ZFYVE9: variants seen among roughly 807,000 people sequenced by gnomAD.
ZFYVE9 encodes zinc finger FYVE-type containing 9.
Under a neutral mutation model 126.7 loss-of-function variants are expected in ZFYVE9, and 43 were observed. That is an observed-to-expected ratio of 0.34 (90% confidence interval 0.27 to 0.44). ZFYVE9 has a LOEUF of 0.44. Among genes scored for constraint, ZFYVE9 ranks in the 20% least tolerant of loss-of-function variants. ZFYVE9 has a pLI of 1.00. For missense variants in ZFYVE9, 1,476 were observed against 1,697.0 expected (o/e 0.87, Z 2.29); for synonymous variants, 521 against 597.4 (o/e 0.87, Z 1.87).
intron 13 of ZFYVE9, among the ~76,000 whole-genome samples, chr1:52,326,144 A>G (rs1050504128): frequency 6.6e-6 from 1 of 152,228 alleles, no homozygotes; most frequent in Non-Finnish European, 1.5e-5. Context: ...CGTACTTTGC[A>G]CATTCTGTTG....
chr1:52,311,016 C>T (rs147877103), intron 13 of ZFYVE9, among the ~76,000 whole-genome samples: 1 of 152,234 alleles, frequency 6.6e-6, no homozygotes, highest in East Asian at 1.9e-4. Context: ...CAGGTGTGCA[C>T]CACTGTGCGC....
chr1:52,219,772 TGTGTG>T, intron 2 of ZFYVE9, among the ~76,000 whole-genome samples: 1 of 148,326 alleles, frequency 6.7e-6, no homozygotes, highest in South Asian at 2.2e-4. Context: ...TGTGTGTGTG[TGTGTG>T]TGTGTGTGTG....
chr1:52,144,435 C>T (rs1338906210), intron 1 of ZFYVE9, among the ~76,000 whole-genome samples: 1 of 151,936 alleles, frequency 6.6e-6, no homozygotes, highest in African/African-American at 2.4e-5. Context: ...ATTCTTGGTC[C>T]CTTGAATTGA....
At chr1:52,261,836 A>G (rs1645582844) in intron 4 of ZFYVE9, among the ~76,000 whole-genome samples, 1 of 152,196 alleles carries the variant, frequency 6.6e-6, no homozygotes, top group African/African-American at 2.4e-5. Context: ...AACAGGACTT[A>G]ATGACTGACT....
intron 13 of ZFYVE9, among the ~76,000 whole-genome samples, chr1:52,324,406 A>G (rs900279305): frequency 1.3e-5 from 2 of 152,214 alleles, no homozygotes; most frequent in African/African-American, 4.8e-5. Context: ...AAGGGTACGT[A>G]TTTACATTTT....
chr1:52,340,268 G>A, intron 17 of ZFYVE9, 37 bp downstream of exon 17: 1 of 1,547,150 alleles, frequency 6.5e-7, no homozygotes, highest in Non-Finnish European at 8.9e-7. Context: ...GACCCACTTT[G>A]AGCACAACTT....
rs952467819 is a variant in ZFYVE9 at position 52,142,173 on chromosome 1, G to C, written c.-373G>C. Reference sequence around the variant, plus strand: ...CAGCCTTGCGCCCCCGGCCCGGCTCGGCGGCGCTCCTCCGGGATCCGCGTG... The same window carrying C: ...CAGCCTTGCGCCCCCGGCCCGGCTCCGCGGCGCTCCTCCGGGATCCGCGTG... On this transcript the variant is annotated 5_prime_UTR_variant, in exon 1 of 19. Coordinates refer to ENST00000287727, the MANE Select transcript of ZFYVE9 (RefSeq NM_004799.4). This position sits in a 1 kb window ranked among gnomAD's most constrained non-coding sequence, Gnocchi z 4.5. 1.3e-5 allele frequency: 2 copies of C among 151,412 alleles called. No individual in the cohort carries two copies. Among genetic ancestry groups the C allele is most frequent in the Non-Finnish European group, 3.0e-5 (2 of 67,786 alleles). The allele number at this position is 151,412 out of a possible 1,614,324, so 9.4% of individuals were successfully genotyped here. A position where few individuals can be genotyped will look rare whatever the true frequency, so the allele number is the denominator to read the frequency against.
intron 4 of ZFYVE9, chr1:52,253,600 A>T: frequency 8.8e-7 from 1 of 1,133,890 alleles, no homozygotes; most frequent in Non-Finnish European, 1.3e-6. Context: ...AGTTTTGGCA[A>T]GCAGCCAGAA....
rs951077291 is a variant in ZFYVE9, at chr1:52,290,632, T to A, written c.3026-2821T>A. Among the ~76,000 whole-genome samples, 16 of 152,264 alleles carry A rather than the reference T, an allele frequency of 1.1e-4. No individual in the cohort carries two copies. The East Asian group carries it at 1.5e-3, about 15-fold the overall frequency. ...TAGGGAGGTGGTAAAGAAGCAATGG[T>A]AAATTTGGGGATCTTATCTCCCTAA... On this transcript the variant is annotated intron_variant, in intron 10 of 18. Transcript: ENST00000287727.
At chr1:52,255,977 T>TTCCTTCCTTCCTTCCTTCC (rs1557484297) in intron 4 of ZFYVE9, among the ~76,000 whole-genome samples, 7 of 135,358 alleles carry the variant, frequency 5.2e-5, no homozygotes, top group African/African-American at 2.0e-4. Context: ...TCTTTCTTTC[T>TTCCTTCCTTCCTTCCTTCC]TTCTTTCCTT....
intron 2 of ZFYVE9, among the ~76,000 whole-genome samples, chr1:52,219,078 A>G (rs2124599930): frequency 6.6e-6 from 1 of 151,980 alleles, no homozygotes; most frequent in South Asian, 2.1e-4. Context: ...GGTCCAGATA[A>G]TATCTCCCCA....
intron 1 of ZFYVE9, among the ~76,000 whole-genome samples, chr1:52,159,720 A>G (rs1644437897): frequency 1.3e-5 from 2 of 152,344 alleles, no homozygotes; most frequent in Admixed American, 6.5e-5. Context: ...AAAGGTTGAT[A>G]TAAGCGACAT....
At position 52,238,638 on chromosome 1, in the gene ZFYVE9, A is replaced by G. The variant is rs1207236014; in HGVS notation, c.1221A>G (p.Leu407=). The G allele has an allele frequency of 1.2e-6, 2 of 1,614,114 alleles. No homozygotes were observed. Among genetic ancestry groups the G allele is most frequent in the Admixed American group, 1.7e-5 (1 of 60,004 alleles). The change falls in exon 4 of 19, where the codon CTA becomes CTG. Residue 407 remains leucine, a synonymous_variant. Coordinates refer to ENST00000287727, the MANE Select transcript of ZFYVE9 (RefSeq NM_004799.4). ...QDMTNWKLTK[L]NEMNDSQVNE... is the part of the protein sequence containing the mutation. Reference sequence around the variant, plus strand: ...TGACTAATTGGAAGTTGACTAAACTAAATGAGATGAATGATAGCCAAGTAA... The same window carrying G: ...TGACTAATTGGAAGTTGACTAAACTGAATGAGATGAATGATAGCCAAGTAA...
At chr1:52,153,227 C>CTA (rs1644373303) in intron 1 of ZFYVE9, among the ~76,000 whole-genome samples, 1 of 152,182 alleles carries the variant, frequency 6.6e-6, no homozygotes, top group African/African-American at 2.4e-5. Context: ...TTGCTACAGT[C>CTA]CATTCCTCAT....
chr1:52,160,331 A>G (rs1261653836), intron 1 of ZFYVE9: 11 of 1,116,020 alleles, frequency 9.9e-6, no homozygotes, highest in East Asian at 4.7e-5. Flanking sequence ...GATTTCCTCA[A>G]AAGACAGATT....
At chr1:52,242,788 T>G (rs1364756338) in intron 4 of ZFYVE9, among the ~76,000 whole-genome samples, 1 of 152,206 alleles carries the variant, frequency 6.6e-6, no homozygotes, top group Non-Finnish European at 1.5e-5. Flanking sequence ...CCTCATACTT[T>G]GCATGAAAAT....
intron 1 of ZFYVE9, among the ~76,000 whole-genome samples, chr1:52,197,604 A>G (rs1644872767): frequency 1.6e-5 from 1 of 62,344 alleles, no homozygotes; most frequent in South Asian, 6.4e-4. Flanking sequence ...ATGTCAAAAA[A>G]AAATAGAAGA....
chr1:52,237,465 T>C lies in ZFYVE9; in HGVS notation c.71-23T>C, dbSNP rs202006809. On this transcript the variant is annotated intron_variant, in intron 3 of 18. Coordinates refer to ENST00000287727, the MANE Select transcript of ZFYVE9 (RefSeq NM_004799.4). ...TTTCCAGTGTTACAAGCAAACTTAT[T>C]GTAATTACTTATTTTTTTCCAGATG... 1.1e-5 allele frequency: 18 copies of C among 1,565,930 alleles called. No homozygotes were observed. In the East Asian group the frequency reaches 4.1e-4, roughly 35 times the overall value.
chr1:52,278,517 A>G lies in ZFYVE9; in HGVS notation c.2772A>G (p.Ser924=). 1 of 1,614,016 alleles carries G rather than the reference A, an allele frequency of 6.2e-7. No individual in the cohort carries two copies. Among genetic ancestry groups the G allele is most frequent in the Non-Finnish European group, 8.5e-7 (1 of 1,179,964 alleles). ...KGDYAVEEKP[S]QISVMQQLED... is the part of the protein sequence containing the mutation. ...ACTATGCTGTGGAAGAGAAACCATCACAGATTTCAGTAATGCAGCAGTTGG... is the reference window on the plus strand; with the variant it reads ...ACTATGCTGTGGAAGAGAAACCATCGCAGATTTCAGTAATGCAGCAGTTGG... Residue 924 remains serine (S), a synonymous_variant, in exon 9 of 19, where the codon TCA becomes TCG. Coordinates refer to ENST00000287727, the MANE Select transcript of ZFYVE9 (RefSeq NM_004799.4).
Sources: gnomAD v4.1 joint callset for allele counts (sites outside exome capture counted in the v4.1 genomes callset) on GRCh38, gnomAD v4.1.1 for gene constraint, Gnocchi (gnomAD v3.1) non-coding constraint, MANE v1.5 for transcripts, NCBI Gene and HGNC (gene_info 2026-07-23, HGNC 2026-07-21) for gene names.